FRMD4B: variants seen among roughly 807,000 people sequenced by gnomAD.
FRMD4B encodes FERM domain-containing protein 4B.
A neutral mutation model predicts 141.5 loss-of-function variants in FRMD4B; 74 were observed. That is an observed-to-expected ratio of 0.52 (90% confidence interval 0.43 to 0.63). The LOEUF (loss-of-function observed/expected upper bound fraction) is 0.63. Among genes scored for constraint, FRMD4B ranks in the 30% least tolerant of loss-of-function variants. FRMD4B has a pLI of 0.00. For synonymous variants in FRMD4B, 506 were observed against 467.9 expected (o/e 1.08, Z -1.05); for missense variants, 1,366 against 1,253.4 (o/e 1.09, Z -1.36).
intron 1 of FRMD4B, among the ~76,000 whole-genome samples, chr3:69,514,087 C>T (rs1326422375): frequency 1.3e-5 from 2 of 151,976 alleles, no homozygotes; most frequent in Non-Finnish European, 2.9e-5. Context: ...TAAAAGGCAT[C>T]CAAATTGGAA....
chr3:69,247,870 C>T (rs758964871), intron 7 of FRMD4B, among the ~76,000 whole-genome samples: 10 of 152,186 alleles, frequency 6.6e-5, no homozygotes, highest in East Asian at 5.8e-4. Context: ...AAGATGGTCT[C>T]GATCTCCTGA....
chr3:69,354,152 A>G (rs1263142236), intron 1 of FRMD4B, among the ~76,000 whole-genome samples: 1 of 152,196 alleles, frequency 6.6e-6, no homozygotes, highest in Non-Finnish European at 1.5e-5. Flanking sequence ...AGTAAAATCA[A>G]TCAGAGATGC....
chr3:69,293,020 G>A (rs1700923711), intron 4 of FRMD4B: 2 of 453,978 alleles, frequency 4.4e-6, no homozygotes, highest in African/African-American at 4.0e-5. Context: ...TGCTCAGGAA[G>A]GTTTTGTCAC....
chr3:69,483,081 T>A (rs1706157539), intron 1 of FRMD4B, among the ~76,000 whole-genome samples: 1 of 152,188 alleles, frequency 6.6e-6, no homozygotes, highest in African/African-American at 2.4e-5. Context: ...AGCTGCTTCC[T>A]AAAATTTTTT....
chr3:69,484,264 C>G (rs1267121195), intron 1 of FRMD4B, among the ~76,000 whole-genome samples: 1 of 152,210 alleles, frequency 6.6e-6, no homozygotes, highest in African/African-American at 2.4e-5. Flanking sequence ...GTAAGATTGA[C>G]TGCCCGGTCA....
chr3:69,354,595 T>C (rs1358836458), intron 1 of FRMD4B, among the ~76,000 whole-genome samples: 1 of 152,198 alleles, frequency 6.6e-6, no homozygotes, highest in Non-Finnish European at 1.5e-5. Flanking sequence ...ATAAAAATCC[T>C]GATCTCCTTC....
rs558709960 is a variant in FRMD4B at position 69,478,099 on chromosome 3, T to C, written c.-128-45338A>G. On this transcript the variant is annotated intron_variant, in intron 1 of 5. Transcript: ENST00000459638. The stretch of plus-strand genomic sequence containing the variant: ...ATCTATTTGATTCTTCTCTCTTTTC[T>C]TCTTTATTAGTCTTGCTAGCAGTCT... 2.6e-4 allele frequency among the ~76,000 whole-genome samples: 39 copies of C among 152,326 alleles called. No individual in the cohort carries two copies. The East Asian group carries it at 6.6e-3, about 26-fold the overall frequency.
chr3:69,530,090 C>G (rs1212542955), intron 1 of FRMD4B, among the ~76,000 whole-genome samples: 2 of 152,222 alleles, frequency 1.3e-5, no homozygotes, highest in African/African-American at 2.4e-5. Context: ...ACAGCCACAC[C>G]CATTAATTTA....
In FRMD4B at chr3:69,529,855, C is replaced by T. The variant is rs2133342; in HGVS notation, c.-129+12351G>A. 9.5e-4 allele frequency among the ~76,000 whole-genome samples: 145 copies of T among 152,274 alleles called. 3 individuals are homozygous for T. The East Asian group carries it at 0.025, about 26-fold the overall frequency. ...AATGCAGAGAGGTTAAGATACTTGCCTGAGTTGAAGTAGTAGTGGAATTAG... is the reference window on the plus strand; with the variant it reads ...AATGCAGAGAGGTTAAGATACTTGCTTGAGTTGAAGTAGTAGTGGAATTAG... On this transcript the variant is annotated intron_variant, in intron 1 of 5. Coordinates refer to the FRMD4B transcript ENST00000459638.
intron 1 of FRMD4B, among the ~76,000 whole-genome samples, chr3:69,347,734 T>A (rs537471210): frequency 3.9e-5 from 6 of 152,290 alleles, no homozygotes; most frequent in African/African-American, 1.4e-4. Context: ...GAAAGACTAC[T>A]GGGTACATAA....
chr3:69,448,545 A>C (rs971645555), intron 1 of FRMD4B, among the ~76,000 whole-genome samples: 1 of 152,160 alleles, frequency 6.6e-6, no homozygotes, highest in African/African-American at 2.4e-5. Flanking sequence ...TTAGTCTTTA[A>C]ATTTTAGCCA....
rs904421 is a variant in FRMD4B, at chr3:69,508,892, T to A, written c.-129+33314A>T. ...TTGTCTCCATTTCATAGACAAGGAA[T>A]CTAGAGCACAGGACAATCTCAAGAC... On this transcript the variant is annotated intron_variant, in intron 1 of 5. Coordinates refer to the FRMD4B transcript ENST00000459638. 4.1e-3 allele frequency among the ~76,000 whole-genome samples: 628 copies of A among 152,284 alleles called. 12 individuals carry two copies. The East Asian group carries it at 0.056, about 13-fold the overall frequency.
At chr3:69,183,519 G>A (rs1255321231) in intron 19 of FRMD4B, among the ~76,000 whole-genome samples, 2 of 113,906 alleles carry the variant, frequency 1.8e-5, no homozygotes, top group Non-Finnish European at 3.3e-5. Flanking sequence ...GTCTTGCTCT[G>A]TCGCCCAGGC....
At chr3:69,385,791 C>T in intron 1 of FRMD4B, 37 bp downstream of exon 1, 1 of 1,494,308 alleles carries the variant, frequency 6.7e-7, no homozygotes, top group Non-Finnish European at 9.0e-7. Context: ...GCCCGGCATC[C>T]TGCTGGGGCC....
exon 2 of FRMD4B, chr3:69,432,708 T>C (rs988479521): frequency 1.3e-5 from 2 of 152,230 alleles, no homozygotes; most frequent in Non-Finnish European, 2.9e-5. Flanking sequence ...TTGCTATGCA[T>C]AGATGTCATC....
rs149452956 is a variant in FRMD4B, at chr3:69,221,395, C to G, written c.731+463G>C. ...ATACACTCGACTCAAATTCGAATCACAAACTGGGGGACAAAACATGGCTTC... is the reference window on the plus strand; with the variant it reads ...ATACACTCGACTCAAATTCGAATCAGAAACTGGGGGACAAAACATGGCTTC... On this transcript the variant is annotated intron_variant, in intron 9 of 22. Transcript: ENST00000398540. Among the ~76,000 whole-genome samples the G allele has an allele frequency of 3.0e-3, 454 of 152,298 alleles. 2 individuals carry two copies. Among genetic ancestry groups the G allele is most frequent in the Admixed American group, 5.9e-3 (91 of 15,296 alleles).
chr3:69,244,713 G>A (rs1261006220), intron 7 of FRMD4B, among the ~76,000 whole-genome samples: 2 of 151,960 alleles, frequency 1.3e-5, no homozygotes, highest in African/African-American at 4.8e-5. Flanking sequence ...GGACAACATG[G>A]TGAAAACTTG....
intron 3 of FRMD4B, among the ~76,000 whole-genome samples, chr3:69,307,227 G>A (rs907185624): frequency 2.6e-5 from 4 of 152,140 alleles, no homozygotes; most frequent in Non-Finnish European, 5.9e-5. Context: ...AACCAAAGGA[G>A]GTAACTGGGA....
intron 5 of FRMD4B, among the ~76,000 whole-genome samples, chr3:69,261,814 A>G (rs997238840): frequency 4.6e-5 from 7 of 152,144 alleles, no homozygotes; most frequent in African/African-American, 1.4e-4. Flanking sequence ...CTTGGAATAC[A>G]GGCGTGTGCC....
Sources: allele counts gnomAD v4.1 joint callset (sites outside exome capture counted in the v4.1 genomes callset), GRCh38; gene constraint gnomAD v4.1.1; transcripts MANE v1.5; gene names NCBI Gene and HGNC (gene_info 2026-07-23, HGNC 2026-07-21).